WDFY2: variants seen among roughly 807,000 people sequenced by gnomAD.
WDFY2 encodes WD repeat and FYVE domain-containing protein 2.
WDFY2 carries 36 observed loss-of-function variants against 56.4 expected under a neutral mutation model. That is an observed-to-expected ratio of 0.64 (90% CI 0.49 to 0.84). WDFY2 has a LOEUF of 0.84. WDFY2 is among the 40% of genes least tolerant of loss of function. The pLI, the probability that WDFY2 is intolerant of heterozygous loss-of-function variation, is 0.00. For synonymous variants in WDFY2, 176 were observed against 183.7 expected (o/e 0.96, Z 0.34); for missense variants, 444 against 512.2 (o/e 0.87, Z 1.29).
At chr13:51,671,254 T>C (rs1044513389) in intron 2 of WDFY2, among the ~76,000 whole-genome samples, 2 of 152,232 alleles carry the variant, frequency 1.3e-5, no homozygotes, top group Non-Finnish European at 2.9e-5. Context: ...CTGGATCAAA[T>C]GGTAGTTCTA....
intron 5 of WDFY2, among the ~76,000 whole-genome samples, chr13:51,720,943 T>C (rs1055372660): frequency 2.4e-4 from 12 of 49,822 alleles, no homozygotes; most frequent in African/African-American, 8.9e-4. Flanking sequence ...CATTCTGTCT[T>C]CTCTCTCTCT....
At chr13:51,752,319 A>G (rs540029604) in intron 8 of WDFY2, among the ~76,000 whole-genome samples, 1 of 152,214 alleles carries the variant, frequency 6.6e-6, no homozygotes, top group African/African-American at 2.4e-5. Context: ...AATCAAAATG[A>G]TCATTACTGT....
intron 2 of WDFY2, among the ~76,000 whole-genome samples, chr13:51,674,780 T>C (rs1566106705): frequency 6.6e-6 from 1 of 152,176 alleles, no homozygotes; most frequent in Non-Finnish European, 1.5e-5. Flanking sequence ...TTTGTTTGTC[T>C]AGTTCAGAAA....
Position 51,766,012 on chromosome 13 carries a change from C to T in WDFY2, c.*6243C>T, listed in dbSNP as rs926703493. ...GGGGATGCATGAGAAGGTGAGCTGT[C>T]ACTCACAAAAAAAGGGAAAATGATT... On this transcript the variant is annotated 3_prime_UTR_variant, in exon 12 of 12. Transcript: ENST00000298125. The T allele has an allele frequency of 5.9e-5, 9 of 151,850 alleles. No homozygotes were observed. Among genetic ancestry groups the T allele is most frequent in the Non-Finnish European group, 7.4e-5 (5 of 67,960 alleles). 9.4% of individuals were successfully genotyped at this position (151,850 alleles called of 1,614,324 possible). A position where few individuals can be genotyped will look rare whatever the true frequency, so the allele number is the denominator to read the frequency against.
chr13:51,689,055 G>C (rs1027064665), intron 3 of WDFY2, among the ~76,000 whole-genome samples: 4 of 152,172 alleles, frequency 2.6e-5, no homozygotes, highest in African/African-American at 9.7e-5. Context: ...CCCATTCACT[G>C]AATAACTTCC....
intron 5 of WDFY2, among the ~76,000 whole-genome samples, chr13:51,721,189 G>A (rs1315416938): frequency 6.6e-6 from 1 of 152,052 alleles, no homozygotes; most frequent in Non-Finnish European, 1.5e-5. Flanking sequence ...CCCAGAAAGG[G>A]TCCTATGTCT....
At chr13:51,639,394 A>G (rs1010084823) in intron 1 of WDFY2, among the ~76,000 whole-genome samples, 1 of 152,236 alleles carries the variant, frequency 6.6e-6, no homozygotes, top group African/African-American at 2.4e-5. Flanking sequence ...CCAAGATAAC[A>G]TGAGACTTTT....
At chr13:51,709,067 T>C (rs565161822) in intron 4 of WDFY2, among the ~76,000 whole-genome samples, 2 of 152,346 alleles carry the variant, frequency 1.3e-5, no homozygotes, top group South Asian at 4.1e-4. Flanking sequence ...TTTTAATATT[T>C]TCAATAATTT....
At chr13:51,712,552 C>T (rs1266051807) in intron 4 of WDFY2, among the ~76,000 whole-genome samples, 3 of 151,900 alleles carry the variant, frequency 2.0e-5, no homozygotes, top group Non-Finnish European at 1.5e-5. Flanking sequence ...CAAGAAGGGA[C>T]TCATTAACAG....
intron 4 of WDFY2, among the ~76,000 whole-genome samples, chr13:51,707,170 G>A (rs1477147287): frequency 2.0e-5 from 3 of 152,046 alleles, no homozygotes; most frequent in African/African-American, 7.2e-5. Context: ...TTTTTGGGGG[G>A]CAGCAGGGAG....
intron 5 of WDFY2, among the ~76,000 whole-genome samples, chr13:51,723,216 A>T (rs1952529080): frequency 6.6e-6 from 1 of 152,218 alleles, no homozygotes; most frequent in Non-Finnish European, 1.5e-5. Context: ...ATATCATTTT[A>T]TCCTTATATA....
intron 7 of WDFY2, among the ~76,000 whole-genome samples, chr13:51,751,072 A>G (rs969380345): frequency 9.9e-5 from 15 of 152,184 alleles, no homozygotes; most frequent in African/African-American, 3.6e-4. Context: ...AAAGGAAAAA[A>G]GTTGTAACTG....
At chr13:51,660,760 A>T (rs1305900154) in intron 2 of WDFY2, 97 bp downstream of exon 2, 4 of 1,023,758 alleles carry the variant, frequency 3.9e-6, no homozygotes, top group East Asian at 2.5e-5. Flanking sequence ...TGAGGTTGGG[A>T]TTCTCATTAT....
At chr13:51,716,779 A>C (rs1952363277) in intron 4 of WDFY2, among the ~76,000 whole-genome samples, 1 of 93,200 alleles carries the variant, frequency 1.1e-5, no homozygotes, top group South Asian at 3.8e-4. Flanking sequence ...TCTCTCATGA[A>C]AAAAAAAAAA....
chr13:51,650,591 A>G (rs1296509128), intron 1 of WDFY2, among the ~76,000 whole-genome samples: 2 of 152,214 alleles, frequency 1.3e-5, no homozygotes, highest in Non-Finnish European at 1.5e-5. Context: ...ACGTCCCATC[A>G]ATACCTAATT....
chr13:51,729,673 G>A (rs55687930), intron 6 of WDFY2, among the ~76,000 whole-genome samples: 2,375 of 152,134 alleles, frequency 0.016, 32 homozygotes, highest in Middle Eastern at 0.044. Flanking sequence ...TCTCTCTTTT[G>A]ACTAACTCAT....
In WDFY2 at chr13:51,698,357, A is replaced by G. The variant is rs75629534; in HGVS notation, c.280-5239A>G. 5.7e-3 allele frequency among the ~76,000 whole-genome samples: 866 copies of G among 152,370 alleles called. 6 individuals carry two copies. Among genetic ancestry groups the G allele is most frequent in the African/African-American group, 0.019 (808 of 41,580 alleles). On this transcript the variant is annotated intron_variant, in intron 3 of 11. Transcript: ENST00000298125. ...CTTTCAAGAAGTTAAGAATGGGTCA[A>G]TATCAGAAAACTGTTTAACAATAAT...
chr13:51,616,163 G>A (rs1954608708), intron 1 of WDFY2, among the ~76,000 whole-genome samples: 1 of 152,182 alleles, frequency 6.6e-6, no homozygotes, highest in Admixed American at 6.5e-5. Context: ...CTTGAACCCA[G>A]GAGGTCGAGG....
intron 1 of WDFY2, among the ~76,000 whole-genome samples, chr13:51,656,070 T>C (rs906969480): frequency 2.7e-5 from 4 of 150,036 alleles, no homozygotes; most frequent in Admixed American, 1.3e-4. Flanking sequence ...TTTTTTTTTT[T>C]CCTGCTCTAA....
Sources: gnomAD v4.1 joint callset for allele counts (sites outside exome capture counted in the v4.1 genomes callset) on GRCh38, gnomAD v4.1.1 for gene constraint, MANE v1.5 for transcripts, NCBI Gene and HGNC (gene_info 2026-07-23, HGNC 2026-07-21) for gene names.